The following RPS6KA6 variants were observed in gnomAD, a reference collection of about 807,000 sequenced individuals.
RPS6KA6 encodes the protein ribosomal protein S6 kinase alpha-6.
A neutral mutation model predicts 65.4 loss-of-function variants in RPS6KA6; 27 were observed. The ratio of observed to expected loss-of-function variants is 0.41; its 90% CI spans 0.30 to 0.57. The LOEUF (loss-of-function observed/expected upper bound fraction) is 0.57. Among genes scored for constraint, RPS6KA6 ranks in the 20% least tolerant of loss-of-function variants. RPS6KA6 has a pLI of 0.24. For synonymous variants in RPS6KA6, 190 were observed against 184.2 expected, an observed-to-expected ratio of 1.03 and a Z score of -0.26; for missense variants, 486 against 555.6, an observed-to-expected ratio of 0.87 and a Z score of 1.26.
chrX:84,134,646 A>T (rs2034961737), intron 8 of RPS6KA6, 136 bp downstream of exon 8: 2 of 413,500 alleles, frequency 4.8e-6, no homozygotes, highest in Non-Finnish European at 8.2e-6. Context: ...ATCAAGTAAC[A>T]TTTAATTCAC....
chrX:84,144,350 TA>T lies in RPS6KA6; in HGVS notation c.501+1127del, dbSNP rs199738662. 7.5e-5 allele frequency among the ~76,000 whole-genome samples: 8 copies of T among 106,672 alleles called. 1 individual carries two copies. In the South Asian group the frequency reaches 2.4e-3, roughly 33 times the overall value. The allele number at this position is 106,672 out of a possible 115,157, so 92.6% of individuals were successfully genotyped here. On this transcript the variant is annotated intron_variant, in intron 6 of 21. Coordinates refer to ENST00000262752, the MANE Select transcript of RPS6KA6 (RefSeq NM_014496.5). Reference sequence around the variant, plus strand: ...CTCAATAAGAAAACAAACAATCCAATAAAAAAAAACAGGCTAAAAATTTAAA... The same window carrying T: ...CTCAATAAGAAAACAAACAATCCAATAAAAAAAACAGGCTAAAAATTTAAA...
chrX:84,134,751 G>A, intron 8 of RPS6KA6, 31 bp downstream of exon 8: 1 of 968,132 alleles, frequency 1.0e-6, no homozygotes, highest in African/African-American at 2.0e-5. Context: ...TGAATCAAGT[G>A]GCTAAGGGTA....
In RPS6KA6 at chrX:84,096,311, G is replaced by A; in HGVS notation, c.1854C>T (p.Gly618=). 9.6e-7 allele frequency: 1 copy of A among 1,043,337 alleles called. No individual in the cohort carries two copies. Among genetic ancestry groups the A allele is most frequent in the Non-Finnish European group, 1.3e-6 (1 of 769,242 alleles). The allele number at this position is 1,043,337 out of a possible 1,213,427, so 86.0% of individuals were successfully genotyped here. Reference sequence around the variant, plus strand: ...TGGGGCCATTAGCAAATGGAGTGTAGCTATTAATAAAATAGATTTTAATAG... The same window carrying A: ...TGGGGCCATTAGCAAATGGAGTGTAACTATTAATAAAATAGATTTTAATAG... The part of the protein sequence containing the change: ...LGVLFYTMLA[G]YTPFANGPND... The change falls in exon 20 of 22, where the codon GGC becomes GGT. Residue 618 remains glycine (G), a splice_region_variant and synonymous_variant. Transcript: ENST00000262752.
chrX:84,099,698 T>C (rs2034223708), intron 18 of RPS6KA6, among the ~76,000 whole-genome samples: 1 of 111,549 alleles, frequency 9.0e-6, no homozygotes. Flanking sequence ...AGTTGAATAA[T>C]ATAACGTAGT....
Position 84,121,443 on chromosome X carries a change from T to C in RPS6KA6, c.647-1416A>G, listed in dbSNP as rs773533862. ...ATGTATTTCTTAATCATTTAGAACA[T>C]ACAGAACAATGCTACCCTTTTTACT... On this transcript the variant is annotated intron_variant, in intron 8 of 21. Transcript: ENST00000262752. 2.7e-5 allele frequency among the ~76,000 whole-genome samples: 3 copies of C among 112,498 alleles called. No individual in the cohort carries two copies. In the South Asian group the frequency reaches 1.1e-3, roughly 41 times the overall value.
chrX:84,129,663 T>C (rs5968265), intron 8 of RPS6KA6, among the ~76,000 whole-genome samples: 13,596 of 111,110 alleles, frequency 0.12, 797 homozygotes, highest in East Asian at 0.52. Context: ...GTACTATTCA[T>C]CCATAAAAAA....
chrX:84,187,656 C>T (rs2035944572), intron 1 of RPS6KA6, among the ~76,000 whole-genome samples, 163 bp downstream of exon 1: 1 of 112,329 alleles, frequency 8.9e-6, no homozygotes, highest in African/African-American at 3.2e-5. Context: ...GCCGTCTCAT[C>T]CCCGCCCGCT....
chrX:84,165,498 T>C (rs756776345), intron 1 of RPS6KA6, among the ~76,000 whole-genome samples: 1 of 111,641 alleles, frequency 9.0e-6, no homozygotes, highest in South Asian at 3.8e-4. Context: ...CTTTATCTCC[T>C]GAATTTGAGC....
At chrX:84,154,919 G>A (rs968973336) in intron 3 of RPS6KA6, among the ~76,000 whole-genome samples, 13 of 111,980 alleles carry the variant, frequency 1.2e-4, no homozygotes, top group Admixed American at 1.0e-3. Flanking sequence ...CTTATACATT[G>A]TTGTGAACAC....
rs1371843728 is a variant in RPS6KA6 at position 84,061,517 on chromosome X, G to GT, written c.*2759dup. 8.9e-5 allele frequency: 6 copies of GT among 67,310 alleles called. No homozygotes were observed. The highest frequency in any genetic ancestry group is 1.9e-4 in the Admixed American group (1 of 5,299). The allele number at this position is 67,310 out of a possible 1,213,427, so 5.5% of individuals were successfully genotyped here. ...CTTTGTGAAAGGACTTGAAACCATTGTTTTTTCCCACAAAAATCCCCATCA... is the reference window on the plus strand; with the variant it reads ...CTTTGTGAAAGGACTTGAAACCATTGTTTTTTTCCCACAAAAATCCCCATCA... On this transcript the variant is annotated 3_prime_UTR_variant, in exon 22 of 22. Coordinates refer to ENST00000262752, the MANE Select transcript of RPS6KA6 (RefSeq NM_014496.5).
intron 20 of RPS6KA6, among the ~76,000 whole-genome samples, chrX:84,090,537 C>T (rs1213424532): frequency 1.8e-5 from 2 of 112,117 alleles, no homozygotes; most frequent in Non-Finnish European, 3.8e-5. Flanking sequence ...AATTGACTCA[C>T]AGTTTTGCAT....
intron 20 of RPS6KA6, among the ~76,000 whole-genome samples, chrX:84,091,280 TCAAAAA>T (rs2034039295): frequency 8.9e-6 from 1 of 112,523 alleles, no homozygotes. Context: ...ATAAAATGTA[TCAAAAA>T]CACTTGCTGT....
intron 20 of RPS6KA6, among the ~76,000 whole-genome samples, chrX:84,084,822 C>T (rs981553177): frequency 2.7e-5 from 3 of 111,888 alleles, no homozygotes; most frequent in African/African-American, 6.5e-5. Flanking sequence ...TTCATGATAT[C>T]GATTCTTCCT....
chrX:84,183,020 T>C (rs1316550899), intron 1 of RPS6KA6, among the ~76,000 whole-genome samples: 3 of 112,250 alleles, frequency 2.7e-5, no homozygotes, highest in Non-Finnish European at 3.8e-5. Context: ...GTAAAGAATT[T>C]AAGCATTCTA....
intron 1 of RPS6KA6, among the ~76,000 whole-genome samples, chrX:84,185,367 C>G (rs2035915180): frequency 8.9e-6 from 1 of 111,823 alleles, no homozygotes; most frequent in South Asian, 3.7e-4. Context: ...TGGTTGAAAC[C>G]TGACACATTT....
chrX:84,068,113 T>C (rs1051378954), intron 20 of RPS6KA6, among the ~76,000 whole-genome samples: 4 of 111,381 alleles, frequency 3.6e-5, no homozygotes, highest in African/African-American at 1.3e-4. Context: ...AGAGCTCCTG[T>C]AGGAAGCATT....
At chrX:84,163,041 A>T (rs1002372692) in intron 2 of RPS6KA6, among the ~76,000 whole-genome samples, 2 of 111,967 alleles carry the variant, frequency 1.8e-5, no homozygotes, top group Non-Finnish European at 3.8e-5. Context: ...GACAAACCCA[A>T]TTTAAATCCC....
chrX:84,066,812 CT>C (rs2033415394), intron 20 of RPS6KA6, among the ~76,000 whole-genome samples: 1 of 111,979 alleles, frequency 8.9e-6, no homozygotes, highest in Admixed American at 9.4e-5. Context: ...TCCCTGACCC[CT>C]GTGCCTCTTG....
intron 12 of RPS6KA6, among the ~76,000 whole-genome samples, chrX:84,111,375 G>A (rs927369004): frequency 9.9e-5 from 11 of 111,079 alleles, no homozygotes; most frequent in Non-Finnish European, 1.5e-4. Flanking sequence ...AAACATGACC[G>A]AGGGATATAG....
Sources: allele counts gnomAD v4.1 joint callset (sites outside exome capture counted in the v4.1 genomes callset), GRCh38; gene constraint gnomAD v4.1.1; transcripts MANE v1.5; gene names NCBI Gene and HGNC (gene_info 2026-07-23, HGNC 2026-07-21).